NFRKB: variants seen among roughly 807,000 people sequenced by gnomAD.
NFRKB encodes the protein nuclear factor related to kappa-B-binding protein.
Under a neutral mutation model 135.7 loss-of-function variants are expected in NFRKB, and 62 were observed. That is an observed-to-expected ratio of 0.46 (90% CI 0.37 to 0.56). NFRKB has a LOEUF of 0.56. Ranked by LOEUF, NFRKB falls within the 20% of genes least tolerant of loss-of-function variation. NFRKB has a pLI of 0.00. For synonymous variants in NFRKB, 678 were observed against 635.6 expected (o/e 1.07, Z -1.00); for missense variants, 1,545 against 1,662.0 (o/e 0.93, Z 1.22).
At chr11:129,879,077 T>C (rs1453545913) in intron 13 of NFRKB, among the ~76,000 whole-genome samples, 1 of 152,176 alleles carries the variant, frequency 6.6e-6, no homozygotes, top group East Asian at 1.9e-4. Context: ...CCCTGTCTCC[T>C]GTGCCCTCTT....
At chr11:129,877,096 G>A (rs1948801606) in intron 16 of NFRKB, among the ~76,000 whole-genome samples, 1 of 152,176 alleles carries the variant, frequency 6.6e-6, no homozygotes, top group Admixed American at 6.5e-5. Context: ...GAGGGACAAG[G>A]AGGTAATATG....
At chr11:129,882,321 G>C (rs1356864519) in intron 10 of NFRKB, 127 bp from the exon 11 acceptor site, 1 of 1,350,810 alleles carries the variant, frequency 7.4e-7, no homozygotes, top group Non-Finnish European at 1.0e-6. Context: ...TATTTTCCCA[G>C]CAGTATCCCT....
chr11:129,887,766 G>A (rs558850927), intron 4 of NFRKB, among the ~76,000 whole-genome samples: 4 of 152,350 alleles, frequency 2.6e-5, no homozygotes, highest in East Asian at 3.9e-4. Flanking sequence ...GGCCGGGTGC[G>A]GTGGCTCACG....
rs764823012 is a variant in NFRKB at position 129,874,026 on chromosome 11, C to T, written c.2280-11G>A. 1 of 1,604,720 alleles carries T rather than the reference C, an allele frequency of 6.2e-7. No individual in the cohort carries two copies. On this transcript the variant is annotated splice_polypyrimidine_tract_variant and intron_variant, in intron 21 of 26. Coordinates refer to ENST00000682444, the MANE Select transcript of NFRKB (RefSeq NM_001143835.2). The surrounding 1 kb of genome is among the most constrained non-coding windows in gnomAD (Gnocchi z 4.5). Reference sequence around the variant, plus strand: ...GACACCAGAAGAACACTATGAAGAACATCGGGGAAAGACAAAAAACAAAAA... The same window carrying T: ...GACACCAGAAGAACACTATGAAGAATATCGGGGAAAGACAAAAAACAAAAA...
chr11:129,870,537 T>G (rs1024960691), intron 23 of NFRKB, among the ~76,000 whole-genome samples: 2 of 152,096 alleles, frequency 1.3e-5, no homozygotes, highest in African/African-American at 4.8e-5. Flanking sequence ...ATCTATTATT[T>G]TACTGATCAG....
Position 129,874,914 on chromosome 11 carries a change from T to C in NFRKB, c.1857A>G (p.Val619=), listed in dbSNP as rs776906015. ...CCAGTGCACCACTCACTACTGTATT[T>C]ACCTACAAATCAGACAAAGGGAAAT... ...FLAPDVTSTQ[V]NTVVSGALDR... is the part of the protein sequence containing the mutation. Residue 619 remains valine, a splice_region_variant and synonymous_variant, in exon 19 of 27, where the codon GTA becomes GTG. Transcript: ENST00000682444. This position sits in a 1 kb window ranked among gnomAD's most constrained non-coding sequence, Gnocchi z 4.5. 6.2e-7 allele frequency: 1 copy of C among 1,614,198 alleles called. No individual in the cohort carries two copies. Among genetic ancestry groups the C allele is most frequent in the Non-Finnish European group, 8.5e-7 (1 of 1,180,032 alleles).
intron 3 of NFRKB, among the ~76,000 whole-genome samples, chr11:129,892,362 G>C (rs926221161): frequency 5.3e-5 from 8 of 150,800 alleles, no homozygotes; most frequent in Non-Finnish European, 1.2e-4. Context: ...CATCCAGTTT[G>C]CTGCAAATGC....
Position 129,869,598 on chromosome 11 carries a change from C to A in NFRKB, c.3427G>T (p.Ala1143Ser), listed in dbSNP as rs762658181. The change falls in exon 24 of 27, where the codon GCT (alanine) becomes TCT (serine). Residue 1143 changes from alanine to serine, a missense_variant. Physicochemically the swap from Ala to Ser is moderately conservative, Grantham distance 99. Around this residue, in one of 3 missense-constraint regions of NFRKB, gnomAD observed 753 missense variants for 804.3 expected, o/e 0.94. Coordinates refer to ENST00000682444, the MANE Select transcript of NFRKB (RefSeq NM_001143835.2). ...GTGCTTGCAGCCCCAGAAGCCACAG[C>A]TACAGTCTTGGACACAGCAGCATTC... ...SMNAAVSKTV[A>S]VASGAASTPI... 2 of 1,614,076 alleles carry A rather than the reference C, an allele frequency of 1.2e-6. No homozygotes were observed. Among genetic ancestry groups the A allele is most frequent in the East Asian group, 4.5e-5 (2 of 44,894 alleles).
At chr11:129,879,971 G>C (rs938608423) in intron 13 of NFRKB, among the ~76,000 whole-genome samples, 3 of 152,162 alleles carry the variant, frequency 2.0e-5, no homozygotes, top group Admixed American at 1.3e-4. Context: ...TGGATCACCT[G>C]GGCTCAGGAG....
intron 23 of NFRKB, among the ~76,000 whole-genome samples, chr11:129,871,514 A>G (rs1948505356): frequency 6.6e-6 from 1 of 152,060 alleles, no homozygotes; most frequent in Admixed American, 6.6e-5. Context: ...TTCTACCTCA[A>G]TAAATGATGC....
rs200873091 is a variant in NFRKB at position 129,872,942 on chromosome 11, G to C, written c.2705C>G (p.Pro902Arg). 4.3e-4 allele frequency: 701 copies of C among 1,614,040 alleles called. 6 individuals carry two copies. In the East Asian group the frequency reaches 0.014, roughly 33 times the overall value. ...AATGACGGCAGCCGTGGAGGCACTGGGAGCAGAGGTCCCAGGAGAACTCGT... is the reference window on the plus strand; with the variant it reads ...AATGACGGCAGCCGTGGAGGCACTGCGAGCAGAGGTCCCAGGAGAACTCGT... ...PATSSPGTSA[P>R]SASTAAVIQN... Residue 902 changes from proline to arginine, a missense_variant, in exon 23 of 27, where the codon CCC becomes CGC. Pro to Arg is a moderately radical substitution (Grantham distance 103, BLOSUM62 -2). Coordinates refer to ENST00000682444, the MANE Select transcript of NFRKB (RefSeq NM_001143835.2).
rs148377655 is a variant in NFRKB, at chr11:129,885,563, C to T, written c.512G>A (p.Arg171Gln). 51 of 1,613,768 alleles carry T rather than the reference C, an allele frequency of 3.2e-5. No individual in the cohort carries two copies. Among genetic ancestry groups the T allele is most frequent in the Middle Eastern group, 1.7e-4 (1 of 6,060 alleles). The stretch of plus-strand genomic sequence containing the variant: ...GCGGGATGGTGAAGGGCGTTTCTGC[C>T]GGAAGGGAAGGGCGGGGCCACTCCG... ...ARRSGPALPF[R>Q]QKRPSPSRTP... The change falls in exon 6 of 27, where the codon CGG becomes CAG. Residue 171 changes from arginine to glutamine, a missense_variant. This residue lies in a region of NFRKB where 678 missense variants were observed against 646.7 expected (regional missense o/e 1.05). Transcript: ENST00000682444.
rs370903131 is a variant in NFRKB at position 129,884,053 on chromosome 11, C to T, written c.816+17G>A. ...TCAGGCTGAAAACCACACGGCCGCA[C>T]GCCCTTCCCATCTTACTGGCTGATG... On this transcript the variant is annotated intron_variant, in intron 8 of 26. Transcript: ENST00000682444. 293 of 1,613,860 alleles carry T rather than the reference C, an allele frequency of 1.8e-4. 2 individuals are homozygous for T. The highest frequency in any genetic ancestry group is 1.7e-4 in the Middle Eastern group (1 of 6,060).
intron 23 of NFRKB, 46 bp downstream of exon 23, chr11:129,872,838 C>CTCCAGGATGAAGGATTGAGA: frequency 6.5e-7 from 1 of 1,541,290 alleles, no homozygotes; most frequent in Non-Finnish European, 8.8e-7. Flanking sequence ...GTGGTCCCTG[C>CTCCAGGATGAAGGATTGAGA]TCCAGGATGA....
intron 5 of NFRKB, among the ~76,000 whole-genome samples, chr11:129,886,011 A>C (rs1431187809): frequency 6.6e-6 from 1 of 152,182 alleles, no homozygotes; most frequent in African/African-American, 2.4e-5. Context: ...TATCCATTCC[A>C]AGGAATCCTC....
At position 129,869,750 on chromosome 11, in the gene NFRKB, T is replaced by C. The variant is rs768526943; in HGVS notation, c.3275A>G (p.Gln1092Arg). The change falls in exon 24 of 27, where the codon CAG (glutamine) becomes CGG (arginine). Residue 1092 changes from glutamine (Q) to arginine (R), a missense_variant. Physicochemically the swap from Gln to Arg is conservative, Grantham distance 43. Coordinates refer to ENST00000682444, the MANE Select transcript of NFRKB (RefSeq NM_001143835.2). ...AKPAATIRIV[Q>R]GLGVMPPKAG... ...TTTGGGAGGCATCACTCCCAGTCCCTGCACGATGCGGATCGTGGCAGCTGG... is the reference window on the plus strand; with the variant it reads ...TTTGGGAGGCATCACTCCCAGTCCCCGCACGATGCGGATCGTGGCAGCTGG... The C allele has an allele frequency of 6.2e-7, 1 of 1,614,262 alleles. No homozygotes were observed. The highest frequency in any genetic ancestry group is 8.5e-7 in the Non-Finnish European group (1 of 1,180,040).
At chr11:129,877,266 G>T in intron 16 of NFRKB, 59 bp downstream of exon 16, 2 of 1,511,326 alleles carry the variant, frequency 1.3e-6, no homozygotes, top group African/African-American at 1.4e-5. Context: ...GTCAGGCTCA[G>T]AGCATCTCTC....
chr11:129,880,543 C>T (rs897292447), intron 13 of NFRKB, among the ~76,000 whole-genome samples: 3 of 152,202 alleles, frequency 2.0e-5, no homozygotes, highest in African/African-American at 4.8e-5. Context: ...TGGCTCAGTG[C>T]TATTCATCAT....
rs1264059435 is a variant in NFRKB at position 129,877,357 on chromosome 11, T to G, written c.1540A>C (p.Thr514Pro). The change falls in exon 16 of 27, where the codon ACG becomes CCG. Residue 514 changes from threonine to proline, a missense_variant. By Grantham distance (38) the Thr-to-Pro change is conservative. This residue lies in a region of NFRKB where 678 missense variants were observed against 646.7 expected (regional missense o/e 1.05). Coordinates refer to ENST00000682444, the MANE Select transcript of NFRKB (RefSeq NM_001143835.2). ...TGAAAAACCCGTTTCTCCTCCCCCG[T>G]GCTGGGACGCACCACATAGTCAGTT... ...VRTDYVVRPS[T>P]GEEKRVFQEQ... The G allele has an allele frequency of 1.2e-6, 2 of 1,614,182 alleles. No individual in the cohort carries two copies. The highest frequency in any genetic ancestry group is 1.1e-5 in the South Asian group (1 of 91,086).
Sources: gnomAD v4.1 joint callset for allele counts (sites outside exome capture counted in the v4.1 genomes callset) on GRCh38, gnomAD v4.1.1 for gene constraint, gnomAD v4.1.1 regional missense constraint, Gnocchi (gnomAD v3.1) non-coding constraint, MANE v1.5 for transcripts, NCBI Gene and HGNC (gene_info 2026-07-23, HGNC 2026-07-21) for gene names.